The following SOX5 variants were observed in gnomAD, a reference collection of about 807,000 sequenced individuals.
SOX5 encodes the protein SRY-box transcription factor 5, also known as transcription factor SOX-5.
SOX5 carries 9 observed loss-of-function variants against 92.0 expected under a neutral mutation model. The observed-to-expected ratio is 0.10, with a 90% CI of 0.06 to 0.17. SOX5 has a LOEUF of 0.17. Among genes scored for constraint, SOX5 ranks in the 10% least tolerant of loss-of-function variants. The probability of loss-of-function intolerance (pLI) is 1.00; values close to 1 mark genes in which losing one functional copy is unlikely to be tolerated. For missense variants in SOX5, 642 were observed against 944.5 expected, an observed-to-expected ratio of 0.68 and a Z score of 4.20; for synonymous variants, 344 against 336.3, an observed-to-expected ratio of 1.02 and a Z score of -0.25.
intron 3 of SOX5, among the ~76,000 whole-genome samples, chr12:24,253,267 C>T (rs1940508877): frequency 7.7e-6 from 1 of 129,382 alleles, no homozygotes; most frequent in Non-Finnish European, 1.6e-5. Flanking sequence ...AGCACGTGCA[C>T]ATCTTTTTTT....
At chr12:24,167,289 A>G (rs950575257) in intron 4 of SOX5, among the ~76,000 whole-genome samples, 4 of 152,222 alleles carry the variant, frequency 2.6e-5, no homozygotes, top group African/African-American at 9.6e-5. Flanking sequence ...TGAAATTTAT[A>G]CTAAATATAT....
chr12:24,021,633 T>C (rs1592409061), intron 4 of SOX5, among the ~76,000 whole-genome samples: 4 of 152,138 alleles, frequency 2.6e-5, no homozygotes, highest in Non-Finnish European at 5.9e-5. Context: ...ATATAAGAAT[T>C]CCAAGATAGC....
At chr12:23,781,249 T>C (rs2141769081) in intron 3 of SOX5, among the ~76,000 whole-genome samples, 1 of 151,976 alleles carries the variant, frequency 6.6e-6, no homozygotes, top group African/African-American at 2.4e-5. Context: ...CCTCTGCTGT[T>C]ACCATGGAGG....
chr12:23,715,827 A>AAAAAC (rs1567181662), intron 6 of SOX5, among the ~76,000 whole-genome samples: 23 of 151,442 alleles, frequency 1.5e-4, no homozygotes, highest in Non-Finnish European at 2.8e-4. Flanking sequence ...AAAAAAAAAA[A>AAAAAC]AAAAAACTTG....
intron 4 of SOX5, among the ~76,000 whole-genome samples, chr12:24,070,392 G>C: frequency 6.6e-6 from 1 of 152,128 alleles, no homozygotes; most frequent in Non-Finnish European, 1.5e-5. Context: ...ATAATGGACA[G>C]TTTTGTTTGT....
At chr12:23,541,994 G>A (rs759580334) in intron 13 of SOX5, among the ~76,000 whole-genome samples, 25 of 152,198 alleles carry the variant, frequency 1.6e-4, no homozygotes, top group African/African-American at 2.6e-4. Context: ...CCTGTCATCC[G>A]AGCTACTCAG....
intron 4 of SOX5, among the ~76,000 whole-genome samples, chr12:24,137,603 G>A (rs1221018872): frequency 1.3e-5 from 2 of 152,122 alleles, no homozygotes; most frequent in East Asian, 3.9e-4. Context: ...CTGCAATCCT[G>A]CCTGGCGACA....
intron 4 of SOX5, among the ~76,000 whole-genome samples, chr12:24,132,141 G>A (rs1267459028): frequency 6.6e-6 from 1 of 152,114 alleles, no homozygotes; most frequent in African/African-American, 2.4e-5. Context: ...CAACAAACGT[G>A]TAGATCATAC....
Position 23,529,688 on chromosome 12 carries a change from C to T in SOX5, c.*4531G>A, listed in dbSNP as rs1385848327. ...ATTTTTATTGTGGCATGAATGATAA[C>T]ATAAAACCAAAAACATGAAAATATA... is the stretch of plus-strand genomic sequence containing the variant. On this transcript the variant is annotated 3_prime_UTR_variant, in exon 15 of 15. Coordinates refer to ENST00000451604, the MANE Select transcript of SOX5 (RefSeq NM_006940.6). The T allele has an allele frequency of 6.6e-6, 1 of 151,800 alleles. No individual in the cohort carries two copies. The highest frequency in any genetic ancestry group is 6.6e-5 in the Admixed American group (1 of 15,246). The allele number at this position is 151,800 out of a possible 1,614,324, so 9.4% of individuals were successfully genotyped here.
At chr12:23,749,369 T>A (rs568340078) in intron 4 of SOX5, among the ~76,000 whole-genome samples, 1 of 151,976 alleles carries the variant, frequency 6.6e-6, no homozygotes, top group African/African-American at 2.4e-5. Flanking sequence ...TATTCTTACC[T>A]TTTTAAATAT....
chr12:24,336,424 A>G (rs2141027368), intron 2 of SOX5, among the ~76,000 whole-genome samples: 1 of 152,268 alleles, frequency 6.6e-6, no homozygotes, highest in Middle Eastern at 3.4e-3. Flanking sequence ...AAAGTTCAGC[A>G]TAACACATCA....
intron 8 of SOX5, among the ~76,000 whole-genome samples, chr12:23,624,590 A>G (rs2077549862): frequency 6.6e-6 from 1 of 152,204 alleles, no homozygotes. Flanking sequence ...AACACCTATT[A>G]CAATGTAAGA....
chr12:24,133,477 C>T (rs1375313814), intron 4 of SOX5, among the ~76,000 whole-genome samples: 2 of 152,118 alleles, frequency 1.3e-5, no homozygotes, highest in Non-Finnish European at 2.9e-5. Flanking sequence ...CAATTAAACC[C>T]AGGGGAGGTG....
chr12:23,767,904 C>G (rs2094792750), intron 3 of SOX5, among the ~76,000 whole-genome samples: 1 of 151,898 alleles, frequency 6.6e-6, no homozygotes, highest in African/African-American at 2.4e-5. Flanking sequence ...CTTTCACACA[C>G]ATGTGTATTT....
intron 6 of SOX5, among the ~76,000 whole-genome samples, chr12:23,720,847 G>C (rs897808297): frequency 6.6e-6 from 1 of 152,034 alleles, no homozygotes; most frequent in African/African-American, 2.4e-5. Flanking sequence ...TCAACATGAT[G>C]GGCTCGGCAC....
intron 4 of SOX5, among the ~76,000 whole-genome samples, chr12:24,027,986 T>A (rs539690840): frequency 6.6e-6 from 1 of 152,142 alleles, no homozygotes; most frequent in Non-Finnish European, 1.5e-5. Flanking sequence ...GTGCTCCCTG[T>A]TACTCTGTAT....
chr12:24,176,932 T>G (rs1954871815), intron 4 of SOX5, among the ~76,000 whole-genome samples: 3 of 152,136 alleles, frequency 2.0e-5, no homozygotes, highest in African/African-American at 7.2e-5. Flanking sequence ...TGTGGTAATT[T>G]GTAGTACTTC....
intron 1 of SOX5, among the ~76,000 whole-genome samples, chr12:24,377,092 T>C (rs1957363048): frequency 6.6e-6 from 1 of 152,160 alleles, no homozygotes; most frequent in African/African-American, 2.4e-5. Context: ...ATGTTCCGCA[T>C]CATTCATCTG....
intron 6 of SOX5, among the ~76,000 whole-genome samples, chr12:23,722,181 A>G (rs2092855452): frequency 6.6e-6 from 1 of 152,248 alleles, no homozygotes; most frequent in African/African-American, 2.4e-5. Context: ...TGTGGAACTT[A>G]CAGCTCAGTA....
Sources: allele counts gnomAD v4.1 joint callset (sites outside exome capture counted in the v4.1 genomes callset), GRCh38; gene constraint gnomAD v4.1.1; transcripts MANE v1.5; gene names NCBI Gene and HGNC (gene_info 2026-07-23, HGNC 2026-07-21).